The following LSM11 variants were observed in gnomAD, a reference collection of about 807,000 sequenced individuals.
The protein encoded by LSM11 is LSM11, U7 small nuclear RNA associated.
LSM11 carries 14 observed loss-of-function variants against 28.1 expected under a neutral mutation model. The observed-to-expected ratio is 0.50, with a 90% CI of 0.33 to 0.78. LSM11 has a LOEUF of 0.78. LSM11 is among the 30% of genes least tolerant of loss of function. The probability of loss-of-function intolerance (pLI) is 0.02; values close to 1 mark genes in which losing one functional copy is unlikely to be tolerated. For missense variants in LSM11, 495 were observed against 510.6 expected (o/e 0.97, Z 0.30); for synonymous variants, 207 against 214.2 (o/e 0.97, Z 0.30).
At chr5:157,752,620 C>T (rs62388985) in intron 2 of LSM11, among the ~76,000 whole-genome samples, 6 of 151,220 alleles carry the variant, frequency 4.0e-5, no homozygotes, top group Admixed American at 1.3e-4. Context: ...CCGAGGCAGG[C>T]GGATCGCCTG....
rs1214917682 is a variant in LSM11, at chr5:157,758,618, A to T, written c.*3354A>T. ...AGCTCACCTGAGGGGGGCTCGATGC[A>T]GCTGAAATACTGAATACTGAAATAC... On this transcript the variant is annotated 3_prime_UTR_variant, in exon 4 of 4. Coordinates refer to ENST00000286307, the MANE Select transcript of LSM11 (RefSeq NM_173491.4). 1 of 152,224 alleles carries T rather than the reference A, an allele frequency of 6.6e-6. No individual in the cohort carries two copies. Among genetic ancestry groups the T allele is most frequent in the Admixed American group, 6.5e-5 (1 of 15,284 alleles). 9.4% of individuals were successfully genotyped at this position (152,224 alleles called of 1,614,324 possible).
chr5:157,743,775 AGGTCGGCTGGCGCCGGGAGCCCCGC>A lies in LSM11; in HGVS notation c.27_51del (p.Arg9SerfsTer151). The A allele has an allele frequency of 7.1e-7, 1 of 1,414,118 alleles. No individual in the cohort carries two copies. Among genetic ancestry groups the A allele is most frequent in the Non-Finnish European group, 9.2e-7 (1 of 1,086,254 alleles). The allele number at this position is 1,414,118 out of a possible 1,614,324, so 87.6% of individuals were successfully genotyped here. ...CATGGAGGAGCGGGAGCGGGGGGCG[AGGTCGGCTGGCGCCGGGAGCCCCGC>A]GCGCCCGCCCAGCCCGCGGCTGGAT... On this transcript the variant is annotated frameshift_variant, in exon 1 of 4. Coordinates refer to ENST00000286307, the MANE Select transcript of LSM11 (RefSeq NM_173491.4). LOFTEE classifies it high-confidence loss of function.
intron 1 of LSM11, among the ~76,000 whole-genome samples, chr5:157,748,258 G>GAGCT (rs1409196037): frequency 6.6e-6 from 1 of 152,150 alleles, no homozygotes; most frequent in Non-Finnish European, 1.5e-5. Context: ...GGAATCTGGG[G>GAGCT]AGCTGCCTTT....
Position 157,751,435 on chromosome 5 carries a change from A to C in LSM11, c.494A>C (p.Glu165Ala). 1.2e-6 allele frequency: 2 copies of C among 1,611,708 alleles called. No individual in the cohort carries two copies. The highest frequency in any genetic ancestry group is 1.7e-6 in the Non-Finnish European group (2 of 1,179,120). The change falls in exon 2 of 4, where the codon GAG (glutamate) becomes GCG (alanine). Residue 165 changes from glutamate to alanine, a missense_variant. Physicochemically the swap from Glu to Ala is moderately radical, Grantham distance 107 (BLOSUM62 -1). Coordinates refer to ENST00000286307, the MANE Select transcript of LSM11 (RefSeq NM_173491.4). Reference protein sequence around the residue: ...PLGELHRCIREGVKVNVHIRT... With the variant: ...PLGELHRCIRAGVKVNVHIRT... ...GGTGAACTCCATCGCTGTATCCGTGAGGGGGTGAAGGTGAATGTTCACATC... is the reference window on the plus strand; with the variant it reads ...GGTGAACTCCATCGCTGTATCCGTGCGGGGGTGAAGGTGAATGTTCACATC...
At chr5:157,744,631 T>A (rs1175453207) in intron 1 of LSM11, among the ~76,000 whole-genome samples, 4 of 151,886 alleles carry the variant, frequency 2.6e-5, no homozygotes, top group African/African-American at 9.7e-5. Flanking sequence ...ATGAGAGGTC[T>A]TAGAGACCAC....
intron 3 of LSM11, among the ~76,000 whole-genome samples, chr5:157,754,459 C>T (rs902859324): frequency 6.6e-6 from 1 of 151,928 alleles, no homozygotes; most frequent in East Asian, 1.9e-4. Flanking sequence ...TTTGGGAGGC[C>T]GAGGCGGGTG....
rs1265960211 is a variant in LSM11, at chr5:157,760,397, C to T, written c.*5133C>T. 2 of 152,214 alleles carry T rather than the reference C, an allele frequency of 1.3e-5. No homozygotes were observed. The highest frequency in any genetic ancestry group is 4.8e-5 in the African/African-American group (2 of 41,454). The allele number at this position is 152,214 out of a possible 1,614,324, so 9.4% of individuals were successfully genotyped here. A position where few individuals can be genotyped will look rare whatever the true frequency, so the allele number is the denominator to read the frequency against. ...TTGAAAGTGATTTGCTTGTTTCATA[C>T]TGACATCTAAAGACATCAGCCTTCT... On this transcript the variant is annotated 3_prime_UTR_variant, in exon 4 of 4. Transcript: ENST00000286307.
At position 157,744,054 on chromosome 5, in the gene LSM11, G is replaced by A; in HGVS notation, c.304G>A (p.Ala102Thr). ...GGGCAGGACTCGTCGCCGCCCGGAC[G>A]CGCCCGCCCCGGACCCCGAGCGCAT... The part of the protein sequence containing the change: ...PSGRTRRRPD[A>T]PAPDPERIQR... The change falls in exon 1 of 4, where the codon GCG (alanine) becomes ACG (threonine). Residue 102 changes from alanine to threonine, a missense_variant. By Grantham distance (58) the Ala-to-Thr change is moderately conservative. Transcript: ENST00000286307. The A allele has an allele frequency of 2.8e-6, 4 of 1,440,672 alleles. No homozygotes were observed. Among genetic ancestry groups the A allele is most frequent in the Non-Finnish European group, 3.6e-6 (4 of 1,096,852 alleles). 89.2% of individuals were successfully genotyped at this position (1,440,672 alleles called of 1,614,324 possible).
chr5:157,756,569 T>C lies in LSM11; in HGVS notation c.*1305T>C, dbSNP rs1238070319. 2 of 152,610 alleles carry C rather than the reference T, an allele frequency of 1.3e-5. No homozygotes were observed. The highest frequency in any genetic ancestry group is 2.4e-5 in the African/African-American group (1 of 41,446). 9.5% of individuals were successfully genotyped at this position (152,610 alleles called of 1,614,324 possible). Reference sequence around the variant, plus strand: ...ACTTTCCCCTGCTGTATTTGTTGTGTAACATAAATAAGCCTTCTGAGAAGC... The same window carrying C: ...ACTTTCCCCTGCTGTATTTGTTGTGCAACATAAATAAGCCTTCTGAGAAGC... On this transcript the variant is annotated 3_prime_UTR_variant, in exon 4 of 4. Transcript: ENST00000286307.
chr5:157,744,522 G>A (rs1761116614), intron 1 of LSM11, among the ~76,000 whole-genome samples: 1 of 152,148 alleles, frequency 6.6e-6, no homozygotes, highest in Non-Finnish European at 1.5e-5. Flanking sequence ...TCACAGAGGT[G>A]ATGAGCCTGC....
chr5:157,754,531 A>C (rs1761291636), intron 3 of LSM11, among the ~76,000 whole-genome samples: 1 of 151,856 alleles, frequency 6.6e-6, no homozygotes, highest in Non-Finnish European at 1.5e-5. Flanking sequence ...ATCTCTACTA[A>C]AAATACAAAA....
At chr5:157,746,451 C>A (rs1374106024) in intron 1 of LSM11, among the ~76,000 whole-genome samples, 1 of 152,192 alleles carries the variant, frequency 6.6e-6, no homozygotes, top group Non-Finnish European at 1.5e-5. Flanking sequence ...AGTTACCCAT[C>A]CAAATTCACA....
chr5:157,752,162 C>CTTT lies in LSM11; in HGVS notation c.588+647_588+649dup, dbSNP rs3045954. ...GTAAACAAAGCATTTTGCATGATGT[C>CTTT]TTTTTTTTTTTTTTTTGAGACAGTG... On this transcript the variant is annotated intron_variant, in intron 2 of 3. Coordinates refer to ENST00000286307, the MANE Select transcript of LSM11 (RefSeq NM_173491.4). 1.7e-3 allele frequency among the ~76,000 whole-genome samples: 245 copies of CTTT among 140,110 alleles called. 1 individual carries two copies. Among genetic ancestry groups the CTTT allele is most frequent in the Middle Eastern group, 3.6e-3 (1 of 280 alleles). The allele number at this position is 140,110 out of a possible 152,430, so 91.9% of individuals were successfully genotyped here.
chr5:157,753,296 A>C (rs982878289), intron 2 of LSM11, among the ~76,000 whole-genome samples: 7 of 151,374 alleles, frequency 4.6e-5, no homozygotes, highest in African/African-American at 1.5e-4. Flanking sequence ...AATGCAGGGA[A>C]AAATGTTTTA....
intron 1 of LSM11, among the ~76,000 whole-genome samples, chr5:157,751,101 T>C (rs1296795817): frequency 1.3e-5 from 2 of 152,146 alleles, no homozygotes; most frequent in African/African-American, 4.8e-5. Context: ...AGTTAAGTGA[T>C]AGTGCATGTT....
rs1455256589 is a variant in LSM11, at chr5:157,758,955, C to T, written c.*3691C>T. ...TTTACTCTCCCATTAGTAGAACTTG[C>T]ACTTTGGGCTGTCTGTTCTAGTATT... On this transcript the variant is annotated 3_prime_UTR_variant, in exon 4 of 4. Coordinates refer to ENST00000286307, the MANE Select transcript of LSM11 (RefSeq NM_173491.4). 2 of 152,216 alleles carry T rather than the reference C, an allele frequency of 1.3e-5. No individual in the cohort carries two copies. Among genetic ancestry groups the T allele is most frequent in the African/African-American group, 2.4e-5 (1 of 41,456 alleles). 9.4% of individuals were successfully genotyped at this position (152,216 alleles called of 1,614,324 possible).
In LSM11 at chr5:157,755,207, C is replaced by A. The variant is rs142261654; in HGVS notation, c.1026C>A (p.His342Gln). Reference protein sequence around the residue: ...KVDYQQVFTRHINQIFIRGEN... With the variant: ...KVDYQQVFTRQINQIFIRGEN... The stretch of plus-strand genomic sequence containing the variant: ...ATTACCAGCAGGTATTCACTCGACA[C>A]ATAAATCAGATTTTCATTCGAGGCG... The change falls in exon 4 of 4, where the codon CAC becomes CAA. Residue 342 changes from histidine (H) to glutamine (Q), a missense_variant. Physicochemically the swap from His to Gln is conservative, Grantham distance 24. Transcript: ENST00000286307. 1 of 1,614,120 alleles carries A rather than the reference C, an allele frequency of 6.2e-7. No homozygotes were observed. Among genetic ancestry groups the A allele is most frequent in the Non-Finnish European group, 8.5e-7 (1 of 1,180,056 alleles).
At chr5:157,751,310 C>A (rs1032101747) in intron 1 of LSM11, 80 bp from the exon 2 acceptor site, 1 of 1,464,402 alleles carries the variant, frequency 6.8e-7, no homozygotes, top group Admixed American at 2.5e-5. Flanking sequence ...TGTTGCTGGC[C>A]GAAGTTGGGT....
Position 157,757,485 on chromosome 5 carries a change from AGTTTGTT to A in LSM11, c.*2229_*2235del, listed in dbSNP as rs1761345375. The A allele has an allele frequency of 6.6e-6, 1 of 152,160 alleles. No homozygotes were observed. The highest frequency in any genetic ancestry group is 6.5e-5 in the Admixed American group (1 of 15,270). The allele number at this position is 152,160 out of a possible 1,614,324, so 9.4% of individuals were successfully genotyped here. A position where few individuals can be genotyped will look rare whatever the true frequency, so the allele number is the denominator to read the frequency against. On this transcript the variant is annotated 3_prime_UTR_variant, in exon 4 of 4. Coordinates refer to ENST00000286307, the MANE Select transcript of LSM11 (RefSeq NM_173491.4). ...ACATCCCGAAAGGGCAATCTGTGGA[AGTTTGTT>A]GTTTGTTTGTTTTTATTTTTAAATG...
Sources: allele counts gnomAD v4.1 joint callset (sites outside exome capture counted in the v4.1 genomes callset), GRCh38; gene constraint gnomAD v4.1.1; transcripts MANE v1.5; gene names NCBI Gene and HGNC (gene_info 2026-07-23, HGNC 2026-07-21).